Variants in FANCB observed in about 807,000 individuals in gnomAD.
FANCB encodes Fanconi anemia group B protein.
In FANCB, 5 loss-of-function variants were observed where a neutral mutation model predicts 38.9. The observed-to-expected ratio is 0.13, with a 90% CI of 0.07 to 0.27. The LOEUF is 0.27. Ranked by LOEUF, FANCB falls within the 10% of genes least tolerant of loss-of-function variation. The probability of loss-of-function intolerance (pLI) is 1.00; values close to 1 mark genes in which losing one functional copy is unlikely to be tolerated. For missense variants in FANCB, 573 were observed against 602.7 expected (o/e 0.95, Z 0.52); for synonymous variants, 236 against 215.4 (o/e 1.10, Z -0.84).
intron 5 of FANCB, among the ~76,000 whole-genome samples, chrX:14,855,579 C>CT (rs1195537653): frequency 8.9e-6 from 1 of 112,129 alleles, no homozygotes; most frequent in Non-Finnish European, 1.9e-5. Flanking sequence ...TCTTTCATCT[C>CT]TTTAACTCTT....
the FANCB span, among the ~76,000 whole-genome samples, chrX:14,780,277 T>G: frequency 9.1e-6 from 1 of 110,455 alleles, no homozygotes; most frequent in Non-Finnish European, 1.9e-5. Flanking sequence ...TTCCCTACTA[T>G]GTGTCAAACG....
At chrX:14,787,920 T>C in the FANCB span, among the ~76,000 whole-genome samples, 1 of 79,576 alleles carries the variant, frequency 1.3e-5, no homozygotes, top group African/African-American at 4.9e-5. Flanking sequence ...TATATATATA[T>C]ATATGAATGA....
At chrX:14,745,990 G>A in the FANCB span, among the ~76,000 whole-genome samples, 1 of 110,711 alleles carries the variant, frequency 9.0e-6, no homozygotes, top group Non-Finnish European at 1.9e-5. Flanking sequence ...GTGAGCCACC[G>A]CACCCGGCCG....
At chrX:14,747,203 G>A in the FANCB span, among the ~76,000 whole-genome samples, 6 of 112,157 alleles carry the variant, frequency 5.3e-5, no homozygotes, top group Admixed American at 2.8e-4. Flanking sequence ...TGTTTTCTAC[G>A]GAGAAAAATG....
At chrX:14,795,232 T>A in the FANCB span, among the ~76,000 whole-genome samples, 1 of 112,336 alleles carries the variant, frequency 8.9e-6, no homozygotes, top group African/African-American at 3.2e-5. Context: ...TCATCTTAGT[T>A]TTTCATTTCA....
the FANCB span, among the ~76,000 whole-genome samples, chrX:14,777,167 A>G: frequency 6.2e-5 from 7 of 112,040 alleles, no homozygotes; most frequent in Non-Finnish European, 1.1e-4. Context: ...AATAAAACCA[A>G]TCATTACAAT....
downstream of FANCB, chrX:14,835,180 C>G: frequency 1.9e-6 from 1 of 529,504 alleles, no homozygotes; most frequent in Non-Finnish European, 3.4e-6. Flanking sequence ...AGTCCCTAAA[C>G]AGACCGTTCT....
chrX:14,802,508 T>C, the FANCB span, among the ~76,000 whole-genome samples: 2 of 111,428 alleles, frequency 1.8e-5, no homozygotes, highest in Admixed American at 9.6e-5. Context: ...ATTTGCAATA[T>C]AGAAAGATCA....
the FANCB span, among the ~76,000 whole-genome samples, chrX:14,701,698 T>A: frequency 1.8e-5 from 2 of 112,935 alleles, no homozygotes; most frequent in Non-Finnish European, 3.7e-5. Flanking sequence ...TATTCTTTAT[T>A]TGCAATAAAA....
chrX:14,787,615 G>A, the FANCB span, among the ~76,000 whole-genome samples: 1,576 of 108,900 alleles, frequency 0.014, 25 homozygotes, highest in African/African-American at 0.043. Flanking sequence ...TTTCTATAAC[G>A]TATAAATAGA....
chrX:14,848,643 G>A (rs1196382352), intron 7 of FANCB, among the ~76,000 whole-genome samples: 1 of 111,778 alleles, frequency 8.9e-6, no homozygotes, highest in Admixed American at 9.5e-5. Context: ...TTGTGTTTCT[G>A]TTTTAAGGCT....
the FANCB span, among the ~76,000 whole-genome samples, chrX:14,817,455 T>C: frequency 9.0e-6 from 1 of 111,324 alleles, no homozygotes; most frequent in African/African-American, 3.3e-5. Flanking sequence ...TTAGGTAGGA[T>C]AGGGATAGGG....
the FANCB span, among the ~76,000 whole-genome samples, chrX:14,812,740 G>A: frequency 4.5e-5 from 5 of 110,021 alleles, no homozygotes; most frequent in African/African-American, 1.7e-4. Flanking sequence ...AGAGGTACAA[G>A]GAGGAACTGG....
chrX:14,729,369 C>T, the FANCB span, among the ~76,000 whole-genome samples: 1 of 111,046 alleles, frequency 9.0e-6, no homozygotes, highest in African/African-American at 3.3e-5. Context: ...TCAACCCCAC[C>T]GTTTGACCCC....
chrX:14,795,265 G>A, the FANCB span, among the ~76,000 whole-genome samples: 1 of 106,723 alleles, frequency 9.4e-6, no homozygotes, highest in African/African-American at 3.7e-5. Context: ...ACAAATTTTG[G>A]GGTAGACACT....
At chrX:14,740,985 C>CACACACGCACACACAT in the FANCB span, among the ~76,000 whole-genome samples, 2 of 111,498 alleles carry the variant, frequency 1.8e-5, no homozygotes, top group Admixed American at 1.9e-4. Context: ...CGCACACACA[C>CACACACGCACACACAT]ACACGAACAC....
the FANCB span, among the ~76,000 whole-genome samples, chrX:14,824,825 A>G: frequency 8.0e-5 from 9 of 112,363 alleles, 1 homozygote; most frequent in African/African-American, 2.9e-4. Context: ...TACAGAAATT[A>G]TTTATATTTA....
the FANCB span, among the ~76,000 whole-genome samples, chrX:14,706,838 T>G: frequency 2.7e-5 from 3 of 112,113 alleles, no homozygotes; most frequent in Admixed American, 2.8e-4. Context: ...TCATACAACT[T>G]CATTCTGGAA....
the FANCB span, among the ~76,000 whole-genome samples, chrX:14,800,528 G>T: frequency 1.8e-5 from 2 of 111,537 alleles, no homozygotes; most frequent in African/African-American, 6.5e-5. Context: ...CTTCCAGAAA[G>T]GCGAGAGACT....
Sources: gnomAD v4.1 joint callset for allele counts (sites outside exome capture counted in the v4.1 genomes callset) on GRCh38, gnomAD v4.1.1 for gene constraint, MANE v1.5 for transcripts, NCBI Gene and HGNC (gene_info 2026-07-23, HGNC 2026-07-21) for gene names.